Variants in PCDH15 observed in about 807,000 individuals in gnomAD.
PCDH15 encodes protocadherin related 15.
In PCDH15, 129 loss-of-function variants were observed where a neutral mutation model predicts 178.5. The observed-to-expected ratio is 0.72, with a 90% CI of 0.63 to 0.84. The LOEUF is 0.84. PCDH15 is among the 40% of genes least tolerant of loss of function. PCDH15 has a pLI of 0.00. For missense variants in PCDH15, 2,230 were observed against 2,099.9 expected (o/e 1.06, Z -1.21); for synonymous variants, 800 against 732.0 (o/e 1.09, Z -1.50).
intron 32 of PCDH15, chr10:53,822,288 G>A (rs1251289784): frequency 6.2e-7 from 1 of 1,612,842 alleles, no homozygotes; most frequent in Non-Finnish European, 8.5e-7. Flanking sequence ...AGTTGGAAAT[G>A]GAGGTAGAAG....
Position 54,587,340 on chromosome 10 carries a change from G to A in PCDH15, c.92-59463C>T, listed in dbSNP as rs565285178. 2.0e-5 allele frequency among the ~76,000 whole-genome samples: 3 copies of A among 152,250 alleles called. No individual in the cohort carries two copies. The South Asian group carries it at 6.2e-4, about 32-fold the overall frequency. On this transcript the variant is annotated intron_variant, in intron 2 of 37. Coordinates refer to ENST00000644397, the MANE Select transcript of PCDH15 (RefSeq NM_001384140.1). ...AGTACAACATAAAGTAAAACGTTGA[G>A]TCCAGTGAAAATGGAGCTACAGCAA...
intron 2 of PCDH15, among the ~76,000 whole-genome samples, chr10:55,370,762 G>A (rs1025493152): frequency 3.3e-5 from 5 of 151,990 alleles, no homozygotes; most frequent in Non-Finnish European, 7.4e-5. Flanking sequence ...TCTTTCTTCC[G>A]ATTATCTTCA....
At chr10:54,988,978 C>T (rs1171062227) in intron 2 of PCDH15, among the ~76,000 whole-genome samples, 1 of 152,140 alleles carries the variant, frequency 6.6e-6, no homozygotes, top group Admixed American at 6.5e-5. Flanking sequence ...GGACCAGGAT[C>T]CCCATGCTGT....
At chr10:54,679,060 G>A (rs1392570203) in intron 1 of PCDH15, among the ~76,000 whole-genome samples, 2 of 151,346 alleles carry the variant, frequency 1.3e-5, no homozygotes, top group African/African-American at 4.9e-5. Context: ...CGTGTTGGCG[G>A]GCGCCTGTAG....
intron 2 of PCDH15, among the ~76,000 whole-genome samples, chr10:55,624,678 C>A (rs2132175408): frequency 6.6e-6 from 1 of 152,162 alleles, no homozygotes; most frequent in South Asian, 2.1e-4. Flanking sequence ...AACTCTGACA[C>A]CACAGTGTCA....
At chr10:55,458,240 A>G (rs981225474) in intron 2 of PCDH15, among the ~76,000 whole-genome samples, 1 of 152,034 alleles carries the variant, frequency 6.6e-6, no homozygotes, top group Non-Finnish European at 1.5e-5. Context: ...ATTTGTGAAT[A>G]TCTTCTCCCT....
At chr10:54,839,759 C>A (rs1422391536) in intron 3 of PCDH15, among the ~76,000 whole-genome samples, 1 of 151,806 alleles carries the variant, frequency 6.6e-6, no homozygotes, top group Non-Finnish European at 1.5e-5. Flanking sequence ...TAGAAAGCAG[C>A]AAATAAATAA....
At chr10:54,997,132 T>G (rs1260712314) in intron 2 of PCDH15, among the ~76,000 whole-genome samples, 2 of 148,070 alleles carry the variant, frequency 1.4e-5, no homozygotes, top group Non-Finnish European at 3.0e-5. Context: ...AAAATCAAAC[T>G]ACCTTGGAAA....
chr10:55,054,745 T>A (rs1841254895), intron 2 of PCDH15, among the ~76,000 whole-genome samples: 3 of 152,206 alleles, frequency 2.0e-5, no homozygotes, highest in Admixed American at 2.0e-4. Flanking sequence ...GTGGTTTGAT[T>A]TGCATTTCTC....
intron 5 of PCDH15, among the ~76,000 whole-genome samples, chr10:54,368,659 G>A (rs1947168221): frequency 1.3e-5 from 2 of 151,846 alleles, no homozygotes; most frequent in South Asian, 2.1e-4. Flanking sequence ...GTTGTGATTT[G>A]TAGTTAATTT....
At chr10:54,158,201 C>T (rs1174161991) in intron 13 of PCDH15, among the ~76,000 whole-genome samples, 1 of 152,144 alleles carries the variant, frequency 6.6e-6, no homozygotes, top group Non-Finnish European at 1.5e-5. Flanking sequence ...TTAATTTTCA[C>T]ATTGCTGATA....
intron 2 of PCDH15, among the ~76,000 whole-genome samples, chr10:54,961,255 T>C (rs1287508577): frequency 6.6e-6 from 1 of 152,138 alleles, no homozygotes; most frequent in Non-Finnish European, 1.5e-5. Context: ...AGCACTGACA[T>C]TCTAGCCCCC....
At chr10:55,618,344 G>C (rs1301583707) in intron 2 of PCDH15, among the ~76,000 whole-genome samples, 2 of 151,984 alleles carry the variant, frequency 1.3e-5, no homozygotes, top group Non-Finnish European at 2.9e-5. Flanking sequence ...TTTTGTATAT[G>C]AATCTATTAA....
At chr10:53,948,271 A>G (rs2086737275) in intron 23 of PCDH15, among the ~76,000 whole-genome samples, 1 of 152,162 alleles carries the variant, frequency 6.6e-6, no homozygotes, top group Admixed American at 6.5e-5. Context: ...TGGAAACTAT[A>G]TGGATATATT....
chr10:54,521,871 C>G (rs191479029), intron 3 of PCDH15, among the ~76,000 whole-genome samples: 2 of 151,814 alleles, frequency 1.3e-5, no homozygotes, highest in African/African-American at 4.8e-5. Context: ...GGGTGGATCA[C>G]GAGGTCAGGA....
chr10:55,141,440 T>C (rs745592639), intron 2 of PCDH15, among the ~76,000 whole-genome samples: 13 of 152,100 alleles, frequency 8.5e-5, no homozygotes, highest in Non-Finnish European at 1.2e-4. Flanking sequence ...AATATTTTCT[T>C]AAGATTTCTG....
chr10:54,795,526 C>T (rs1271489140), intron 1 of PCDH15, among the ~76,000 whole-genome samples: 1 of 151,830 alleles, frequency 6.6e-6, no homozygotes, highest in African/African-American at 2.4e-5. Flanking sequence ...CTTTTCCATA[C>T]TCTATGGAAA....
At chr10:54,568,898 A>G (rs1408266619) in intron 2 of PCDH15, among the ~76,000 whole-genome samples, 3 of 152,054 alleles carry the variant, frequency 2.0e-5, no homozygotes, top group African/African-American at 7.2e-5. Flanking sequence ...AAACCTCACA[A>G]ACCATTTTGT....
intron 2 of PCDH15, among the ~76,000 whole-genome samples, chr10:55,141,347 G>C (rs1001480291): frequency 6.6e-6 from 1 of 151,974 alleles, no homozygotes; most frequent in Non-Finnish European, 1.5e-5. Context: ...GAAAAGAACT[G>C]GGTTAGAGTC....
Sources: gnomAD v4.1 joint callset for allele counts (sites outside exome capture counted in the v4.1 genomes callset) on GRCh38, gnomAD v4.1.1 for gene constraint, MANE v1.5 for transcripts, NCBI Gene and HGNC (gene_info 2026-07-23, HGNC 2026-07-21) for gene names.